TBC1D8: variants seen among roughly 807,000 people sequenced by gnomAD.
The protein encoded by TBC1D8 is TBC1 domain family member 8, also known as BUB2-like protein 1.
TBC1D8 carries 65 observed loss-of-function variants against 118.8 expected under a neutral mutation model. The ratio of observed to expected loss-of-function variants is 0.55; its 90% CI spans 0.45 to 0.67. The LOEUF is 0.67. Among genes scored for constraint, TBC1D8 ranks in the 30% least tolerant of loss-of-function variants. TBC1D8 has a pLI of 0.00. For synonymous variants in TBC1D8, 566 were observed against 595.8 expected, an observed-to-expected ratio of 0.95 and a Z score of 0.73; for missense variants, 1,376 against 1,471.2, an observed-to-expected ratio of 0.94 and a Z score of 1.06.
intron 1 of TBC1D8, among the ~76,000 whole-genome samples, chr2:101,128,774 C>T (rs1382050829): frequency 6.6e-6 from 1 of 152,050 alleles, no homozygotes; most frequent in Non-Finnish European, 1.5e-5. Flanking sequence ...AATAATATTC[C>T]CTGAGAATCT....
At chr2:101,071,380 A>AATAC (rs1305182055) in intron 2 of TBC1D8, among the ~76,000 whole-genome samples, 1 of 152,028 alleles carries the variant, frequency 6.6e-6, no homozygotes. Flanking sequence ...TAAATAAATA[A>AATAC]ATAAATAAAT....
rs764248919 is a variant in TBC1D8 at position 101,028,142 on chromosome 2, A to T, written c.2357T>A (p.Phe786Tyr). The T allele has an allele frequency of 1.2e-6, 2 of 1,613,872 alleles. No homozygotes were observed. The highest frequency in any genetic ancestry group is 2.2e-5 in the South Asian group (2 of 91,072). Residue 786 changes from phenylalanine (F) to tyrosine (Y), a missense_variant, in exon 14 of 20, where the codon TTT becomes TAT. By Grantham distance (22) the Phe-to-Tyr change is conservative. Coordinates refer to ENST00000409318, the MANE Select transcript of TBC1D8 (RefSeq NM_001330348.2). ...SDLIRDSYEK[F>Y]GDQSVEQIEH... ...GATCTGCTCCACAGACTGGTCTCCA[A>T]ATTTCTGCAGGGAAAAAAGGGACCA...
intron 1 of TBC1D8, among the ~76,000 whole-genome samples, chr2:101,131,629 A>G (rs1678594462): frequency 6.6e-6 from 1 of 151,768 alleles, no homozygotes; most frequent in African/African-American, 2.4e-5. Flanking sequence ...CCTGGCTAAT[A>G]TGGTGAAACC....
intron 5 of TBC1D8, among the ~76,000 whole-genome samples, chr2:101,044,036 C>T (rs369585398): frequency 1.3e-5 from 2 of 152,220 alleles, no homozygotes; most frequent in African/African-American, 2.4e-5. Flanking sequence ...TGAGTTCAAT[C>T]GGCTTCTCTC....
At chr2:101,024,310 A>G (rs1680209113) in intron 15 of TBC1D8, among the ~76,000 whole-genome samples, 1 of 152,140 alleles carries the variant, frequency 6.6e-6, no homozygotes, top group South Asian at 2.1e-4. Context: ...CCACTGGACT[A>G]GCAAAATTTT....
intron 12 of TBC1D8, 142 bp from the exon 13 acceptor site, chr2:101,028,574 A>G (rs1238460427): frequency 5.5e-6 from 7 of 1,266,190 alleles, no homozygotes; most frequent in Non-Finnish European, 5.3e-6. Context: ...TGCTCGGCTT[A>G]TTTTAGAGAA....
chr2:101,143,563 C>T (rs1408430929), intron 1 of TBC1D8, among the ~76,000 whole-genome samples: 5 of 152,046 alleles, frequency 3.3e-5, no homozygotes, highest in African/African-American at 9.7e-5. Context: ...GTTCTTCCCC[C>T]GCCGCCCCTA....
chr2:101,008,339 C>A lies in TBC1D8; in HGVS notation c.3016-66G>T, dbSNP rs886951019. On this transcript the variant is annotated intron_variant, in intron 19 of 19. Transcript: ENST00000409318. ...TGGAAGTGTCATTTTTTTTTTTAAA[C>A]ATACCTGTGAGCTTTGAGAAAACGA... 5.5e-6 allele frequency: 7 copies of A among 1,274,210 alleles called. 1 individual carries two copies. The African/African-American group carries it at 1.0e-4, about 19-fold the overall frequency. The allele number at this position is 1,274,210 out of a possible 1,614,324, so 78.9% of individuals were successfully genotyped here. A position where few individuals can be genotyped will look rare whatever the true frequency, so the allele number is the denominator to read the frequency against.
chr2:101,022,894 G>A (rs1680125322), intron 15 of TBC1D8, among the ~76,000 whole-genome samples: 1 of 152,008 alleles, frequency 6.6e-6, no homozygotes, highest in Admixed American at 6.5e-5. Flanking sequence ...TGTAATCCTA[G>A]CACTTTGGGA....
chr2:101,052,246 C>A (rs1465867220), intron 4 of TBC1D8, among the ~76,000 whole-genome samples: 1 of 152,152 alleles, frequency 6.6e-6, no homozygotes, highest in African/African-American at 2.4e-5. Context: ...AGAGTATAAG[C>A]AGTTTTTATG....
At chr2:101,065,247 C>T (rs1490454082) in intron 2 of TBC1D8, among the ~76,000 whole-genome samples, 1 of 152,236 alleles carries the variant, frequency 6.6e-6, no homozygotes, top group African/African-American at 2.4e-5. Flanking sequence ...AATGGGCATT[C>T]TGTGTGTATA....
chr2:101,055,340 G>A (rs1682357154), intron 3 of TBC1D8, among the ~76,000 whole-genome samples: 1 of 151,436 alleles, frequency 6.6e-6, no homozygotes, highest in Admixed American at 6.6e-5. Context: ...AGTGAGCCAA[G>A]ATTGTACCAC....
rs143243109 is a variant in TBC1D8 at position 101,010,861 on chromosome 2, G to A, written c.3015+68C>T. 274 of 1,348,502 alleles carry A rather than the reference G, an allele frequency of 2.0e-4. 2 individuals carry two copies. The East Asian group carries it at 3.5e-3, about 17-fold the overall frequency. The allele number at this position is 1,348,502 out of a possible 1,614,324, so 83.5% of individuals were successfully genotyped here. The stretch of plus-strand genomic sequence containing the variant: ...CGCGCCACTGTACTCCAGCCTGGGC[G>A]ACAGAGCGAGACTCCATCTCAAAAA... On this transcript the variant is annotated intron_variant, in intron 19 of 19. Coordinates refer to ENST00000409318, the MANE Select transcript of TBC1D8 (RefSeq NM_001330348.2).
At chr2:101,080,238 G>T (rs189550862) in intron 2 of TBC1D8, among the ~76,000 whole-genome samples, 7 of 152,096 alleles carry the variant, frequency 4.6e-5, no homozygotes, top group South Asian at 2.1e-4. Flanking sequence ...GAGCGTGACC[G>T]AAAACAAGTG....
At chr2:101,021,422 T>C (rs558067922) in intron 17 of TBC1D8, among the ~76,000 whole-genome samples, 54 of 152,260 alleles carry the variant, frequency 3.5e-4, no homozygotes, top group African/African-American at 1.3e-3. Flanking sequence ...ACCCAGGGTG[T>C]TGGAAACCAG....
chr2:101,114,093 T>C (rs892395910), intron 1 of TBC1D8, among the ~76,000 whole-genome samples: 1 of 152,200 alleles, frequency 6.6e-6, no homozygotes, highest in African/African-American at 2.4e-5. Context: ...TGGGTTCCAT[T>C]CATCTTGAAA....
At chr2:101,019,913 A>G (rs2105373977) in intron 17 of TBC1D8, among the ~76,000 whole-genome samples, 1 of 151,974 alleles carries the variant, frequency 6.6e-6, no homozygotes, top group South Asian at 2.1e-4. Context: ...CTAAAAAAAA[A>G]TACAAAAAAT....
intron 3 of TBC1D8, among the ~76,000 whole-genome samples, chr2:101,055,848 A>G (rs1334652585): frequency 6.6e-6 from 1 of 151,942 alleles, no homozygotes; most frequent in East Asian, 1.9e-4. Context: ...TACATTTATA[A>G]TTCAAATCCC....
intron 2 of TBC1D8, among the ~76,000 whole-genome samples, chr2:101,077,148 C>T (rs940373901): frequency 5.3e-5 from 8 of 151,860 alleles, no homozygotes; most frequent in East Asian, 1.9e-4. Context: ...CTCAGCCTCC[C>T]GGGTAGATGG....
Sources: allele counts gnomAD v4.1 joint callset (sites outside exome capture counted in the v4.1 genomes callset), GRCh38; gene constraint gnomAD v4.1.1; transcripts MANE v1.5; gene names NCBI Gene and HGNC (gene_info 2026-07-23, HGNC 2026-07-21).